Variants in BTAF1 observed in about 807,000 individuals in gnomAD.
The protein encoded by BTAF1 is B-TFIID TATA-box binding protein associated factor 1.
Under a neutral mutation model 227.1 loss-of-function variants are expected in BTAF1, and 38 were observed. That is an observed-to-expected ratio of 0.17 (90% CI 0.13 to 0.22). The LOEUF (loss-of-function observed/expected upper bound fraction) is 0.22. Among genes scored for constraint, BTAF1 ranks in the 10% least tolerant of loss-of-function variants. The pLI is 1.00. For synonymous variants in BTAF1, 742 were observed against 751.9 expected (o/e 0.99, Z 0.21); for missense variants, 1,598 against 2,204.0 (o/e 0.73, Z 5.51).
intron 25 of BTAF1, among the ~76,000 whole-genome samples, chr10:92,005,865 TTTTTTGGGTTTTTTTTTTTTC>T (rs1849843601): frequency 6.6e-6 from 1 of 151,772 alleles, no homozygotes; most frequent in African/African-American, 2.4e-5. Context: ...TATGTTTTTG[TTTTTTGGGTTTTTTTTTTTTC>T]CTTGAAACAG....
rs1182596631 is a variant in BTAF1 at position 91,989,511 on chromosome 10, G to A, written c.2785G>A (p.Val929Met). Residue 929 changes from valine (V) to methionine (M), a missense_variant, in exon 20 of 38, where the codon GTG becomes ATG. Val to Met is a conservative substitution (Grantham distance 21, BLOSUM62 1). Transcript: ENST00000265990. ...IIKNLCSSLC[V>M]DPYLTPCVTC... Reference sequence around the variant, plus strand: ...TAAAAACCTCTGTAGCTCACTTTGTGTGGACCCATATCTAACTCCTTGTGT... The same window carrying A: ...TAAAAACCTCTGTAGCTCACTTTGTATGGACCCATATCTAACTCCTTGTGT... The A allele has an allele frequency of 6.2e-7, 1 of 1,613,792 alleles. No homozygotes were observed. The highest frequency in any genetic ancestry group is 2.2e-5 in the East Asian group (1 of 44,890).
intron 3 of BTAF1, among the ~76,000 whole-genome samples, chr10:91,940,803 A>G (rs1307451423): frequency 2.6e-5 from 4 of 151,700 alleles, no homozygotes; most frequent in African/African-American, 9.7e-5. Flanking sequence ...TTGTGCCTCA[A>G]CCTCCCAAGT....
At chr10:91,956,957 T>C (rs1321207459) in intron 7 of BTAF1, among the ~76,000 whole-genome samples, 1 of 152,040 alleles carries the variant, frequency 6.6e-6, no homozygotes, top group Non-Finnish European at 1.5e-5. Context: ...ACCACCGCAC[T>C]CTAGCCTGGC....
intron 25 of BTAF1, among the ~76,000 whole-genome samples, chr10:91,999,455 C>T (rs1174080399): frequency 3.3e-5 from 5 of 151,948 alleles, no homozygotes; most frequent in East Asian, 1.9e-4. Flanking sequence ...AGTGCAATGG[C>T]GCGACCTCAG....
At chr10:91,997,792 A>G in intron 25 of BTAF1, 41 bp downstream of exon 25, 2 of 1,596,174 alleles carry the variant, frequency 1.3e-6, no homozygotes, top group African/African-American at 1.3e-5. Context: ...AATGTTTTCT[A>G]TAACTTGATC....
At chr10:92,013,272 A>C (rs1444703572) in intron 30 of BTAF1, among the ~76,000 whole-genome samples, 1 of 152,178 alleles carries the variant, frequency 6.6e-6, no homozygotes, top group African/African-American at 2.4e-5. Context: ...CTTATAACCA[A>C]ATTCTAATAG....
intron 3 of BTAF1, among the ~76,000 whole-genome samples, chr10:91,941,116 CTT>C (rs1328056389): frequency 6.6e-6 from 1 of 152,120 alleles, no homozygotes; most frequent in Non-Finnish European, 1.5e-5. Context: ...GTTAATTTGT[CTT>C]CTCTCATTAA....
chr10:91,978,276 A>C (rs992953330), intron 14 of BTAF1, among the ~76,000 whole-genome samples: 2 of 152,186 alleles, frequency 1.3e-5, no homozygotes, highest in African/African-American at 2.4e-5. Context: ...TATTGGTCAT[A>C]AATATAGGGG....
intron 6 of BTAF1, among the ~76,000 whole-genome samples, chr10:91,956,306 A>G (rs1846079768): frequency 6.6e-6 from 1 of 152,196 alleles, no homozygotes; most frequent in Non-Finnish European, 1.5e-5. Flanking sequence ...ACCAACCTAT[A>G]GTGTAGTTAG....
intron 2 of BTAF1, among the ~76,000 whole-genome samples, chr10:91,936,484 C>T (rs994327786): frequency 2.1e-5 from 3 of 142,718 alleles, no homozygotes; most frequent in African/African-American, 8.2e-5. Context: ...TTTTTTCATT[C>T]TCATCTGCCC....
chr10:92,015,546 TGAAAG>T (rs1292482912), intron 32 of BTAF1, among the ~76,000 whole-genome samples: 2 of 152,206 alleles, frequency 1.3e-5, no homozygotes, highest in Non-Finnish European at 2.9e-5. Context: ...TAATATTTCT[TGAAAG>T]GAATACATTT....
At chr10:91,931,286 A>G (rs777866700) in intron 1 of BTAF1, among the ~76,000 whole-genome samples, 1 of 152,228 alleles carries the variant, frequency 6.6e-6, no homozygotes. Context: ...ATTGACATCC[A>G]GATTGAAAAT....
intron 20 of BTAF1, among the ~76,000 whole-genome samples, chr10:91,991,265 A>AT (rs1848715390): frequency 5.6e-5 from 5 of 90,090 alleles, no homozygotes; most frequent in Non-Finnish European, 9.5e-5. Context: ...TATAAATATA[A>AT]ATATAAATAT....
chr10:91,980,870 T>C lies in BTAF1; in HGVS notation c.1755+312T>C, dbSNP rs192231010. Among the ~76,000 whole-genome samples the C allele has an allele frequency of 9.8e-4, 150 of 152,314 alleles. 1 individual carries two copies. Among genetic ancestry groups the C allele is most frequent in the Non-Finnish European group, 1.1e-3 (72 of 68,014 alleles). On this transcript the variant is annotated intron_variant, in intron 15 of 37. Transcript: ENST00000265990. The stretch of plus-strand genomic sequence containing the variant: ...GCCCTCATCTTGCTGTTTATCAATA[T>C]GCTTATAGATCCTGCAAAGTATCTT...
intron 4 of BTAF1, among the ~76,000 whole-genome samples, chr10:91,950,832 A>ATT (rs375509577): frequency 0.19 from 25,622 of 132,484 alleles, 3,135 homozygotes; most frequent in African/African-American, 0.32. Context: ...ATAGAGATGT[A>ATT]TTTTTTTTTT....
At chr10:91,949,244 A>G (rs1321280589) in intron 4 of BTAF1, among the ~76,000 whole-genome samples, 1 of 152,192 alleles carries the variant, frequency 6.6e-6, no homozygotes, top group Non-Finnish European at 1.5e-5. Flanking sequence ...GTCTAGGTGG[A>G]CAAGGCTCCA....
chr10:91,957,073 A>C, intron 7 of BTAF1, 152 bp from the exon 8 acceptor site: 1 of 506,314 alleles, frequency 2.0e-6, no homozygotes, highest in East Asian at 3.2e-5. Context: ...AAATTTTATC[A>C]GTAAAAATAT....
intron 8 of BTAF1, among the ~76,000 whole-genome samples, chr10:91,958,258 G>A (rs1281486609): frequency 2.0e-5 from 3 of 151,980 alleles, no homozygotes; most frequent in Admixed American, 6.6e-5. Flanking sequence ...CATCATTTTG[G>A]CCAGGCTGGT....
chr10:92,028,431 TC>T (rs1458077288), intron 37 of BTAF1, among the ~76,000 whole-genome samples: 1 of 152,152 alleles, frequency 6.6e-6, no homozygotes, highest in Admixed American at 6.5e-5. Flanking sequence ...CTGATTCCTC[TC>T]AAAGGATAAA....
Sources: gnomAD v4.1 joint callset for allele counts (sites outside exome capture counted in the v4.1 genomes callset) on GRCh38, gnomAD v4.1.1 for gene constraint, MANE v1.5 for transcripts, NCBI Gene and HGNC (gene_info 2026-07-23, HGNC 2026-07-21) for gene names.